The following VPS13C variants were observed in gnomAD, a reference collection of about 807,000 sequenced individuals.
The protein encoded by VPS13C is intermembrane lipid transfer protein VPS13C.
Under a neutral mutation model 456.8 loss-of-function variants are expected in VPS13C, and 358 were observed. The observed-to-expected ratio is 0.78, with a 90% CI of 0.72 to 0.86. The LOEUF (loss-of-function observed/expected upper bound fraction) is 0.86, where lower values mean the gene tolerates loss of function less well. Among genes scored for constraint, VPS13C ranks in the 40% least tolerant of loss-of-function variants. VPS13C has a pLI of 0.00. For synonymous variants in VPS13C, 1,578 were observed against 1,486.7 expected, an observed-to-expected ratio of 1.06 and a Z score of -1.41; for missense variants, 4,818 against 4,385.4, an observed-to-expected ratio of 1.10 and a Z score of -2.79.
chr15:61,949,853 A>C (rs376127285), intron 41 of VPS13C, among the ~76,000 whole-genome samples: 120 of 152,332 alleles, frequency 7.9e-4, no homozygotes, highest in African/African-American at 2.9e-3. Context: ...TTTTAAGTAA[A>C]GATACAGGAA....
At position 61,939,402 on chromosome 15, in the gene VPS13C, TACA is replaced by T. The variant is rs377655554; in HGVS notation, c.5601+1242_5601+1244del. Among the ~76,000 whole-genome samples, 480 of 152,356 alleles carry T rather than the reference TACA, an allele frequency of 3.2e-3. 3 individuals carry two copies. The highest frequency in any genetic ancestry group is 0.011 in the African/African-American group (465 of 41,588). On this transcript the variant is annotated intron_variant, in intron 47 of 84. Transcript: ENST00000644861. ...TATATGAACAGAAACCCTTCATTTC[TACA>T]ACAAGCTTCAATTTTAACTTCTTCC...
intron 36 of VPS13C, 95 bp downstream of exon 36, chr15:61,959,353 C>A: frequency 9.0e-7 from 1 of 1,115,822 alleles, no homozygotes. Context: ...TTATACTATT[C>A]AGCAAAAGAG....
intron 16 of VPS13C, among the ~76,000 whole-genome samples, chr15:61,996,588 T>C (rs1297329312): frequency 1.3e-5 from 2 of 152,026 alleles, no homozygotes; most frequent in East Asian, 1.9e-4. Flanking sequence ...GCACTGAAAC[T>C]ATAGTACATG....
At position 61,972,275 on chromosome 15, in the gene VPS13C, T is replaced by C. The variant is rs143141016; in HGVS notation, c.2757+350A>G. On this transcript the variant is annotated intron_variant, in intron 27 of 84. Transcript: ENST00000644861. The stretch of plus-strand genomic sequence containing the variant: ...AAATCATAAACATGATAATGAGCAA[T>C]ATTATTTAGCTTAAAAGTGAAAAGT... Among the ~76,000 whole-genome samples, 152 of 152,318 alleles carry C rather than the reference T, an allele frequency of 1.0e-3. 2 individuals carry two copies. In the East Asian group the frequency reaches 0.026, roughly 26 times the overall value.
intron 60 of VPS13C, among the ~76,000 whole-genome samples, chr15:61,916,914 T>A (rs773152087): frequency 6.6e-6 from 1 of 152,194 alleles, no homozygotes; most frequent in African/African-American, 2.4e-5. Flanking sequence ...AATGGAATTT[T>A]ACTTAATTAA....
intron 13 of VPS13C, among the ~76,000 whole-genome samples, chr15:62,009,624 TAAC>T (rs1270918403): frequency 6.6e-6 from 1 of 152,234 alleles, no homozygotes; most frequent in Non-Finnish European, 1.5e-5. Flanking sequence ...TTTACATTGT[TAAC>T]ACAGCTACTA....
chr15:61,878,190 A>G (rs1895595327), intron 74 of VPS13C, among the ~76,000 whole-genome samples: 1 of 151,006 alleles, frequency 6.6e-6, no homozygotes, highest in South Asian at 2.1e-4. Context: ...AAAATGATCT[A>G]CAGGGAATTT....
chr15:61,998,833 T>C (rs2046487362), intron 16 of VPS13C, among the ~76,000 whole-genome samples: 1 of 152,160 alleles, frequency 6.6e-6, no homozygotes, highest in Non-Finnish European at 1.5e-5. Context: ...AATCCTCCTC[T>C]TTCTCCTCCC....
chr15:61,879,646 T>A (rs1463886901), intron 73 of VPS13C, among the ~76,000 whole-genome samples: 1 of 152,086 alleles, frequency 6.6e-6, no homozygotes, highest in Non-Finnish European at 1.5e-5. Context: ...AATATCCCCC[T>A]AGAATATAAT....
chr15:61,952,013 T>C lies in VPS13C; in HGVS notation c.4300-33A>G, dbSNP rs769981749. The C allele has an allele frequency of 4.4e-6, 7 of 1,600,752 alleles. No individual in the cohort carries two copies. The African/African-American group carries it at 5.4e-5, about 12-fold the overall frequency. ...ACGGTACCAGTATTACCACCAACTA[T>C]TTCACCAATATGCAATGAAGGTAAG... is the stretch of plus-strand genomic sequence containing the variant. On this transcript the variant is annotated intron_variant, in intron 38 of 84. Transcript: ENST00000644861.
chr15:62,014,423 T>A (rs2047155495), intron 9 of VPS13C, among the ~76,000 whole-genome samples: 1 of 152,072 alleles, frequency 6.6e-6, no homozygotes, highest in Admixed American at 6.6e-5. Context: ...CACCAAACAC[T>A]AAACTTATTT....
intron 66 of VPS13C, among the ~76,000 whole-genome samples, chr15:61,894,700 T>C (rs2042753697): frequency 6.6e-6 from 1 of 152,106 alleles, no homozygotes; most frequent in Non-Finnish European, 1.5e-5. Flanking sequence ...CAGTTGTAAA[T>C]ATATGTACCC....
intron 3 of VPS13C, among the ~76,000 whole-genome samples, chr15:62,037,251 A>ATT (rs66808118): frequency 3.1e-5 from 1 of 32,458 alleles, no homozygotes; most frequent in Non-Finnish European, 6.7e-5. Flanking sequence ...TATATAATAT[A>ATT]TTTATATATA....
chr15:61,981,897 G>A, intron 21 of VPS13C, among the ~76,000 whole-genome samples: 2 of 151,804 alleles, frequency 1.3e-5, no homozygotes, highest in South Asian at 4.2e-4. Flanking sequence ...AAAAAAAAAA[G>A]AAAAGTATTA....
intron 35 of VPS13C, among the ~76,000 whole-genome samples, chr15:61,961,231 A>G (rs1043668305): frequency 6.6e-6 from 1 of 151,636 alleles, no homozygotes; most frequent in African/African-American, 2.4e-5. Context: ...TCTATTAAAA[A>G]TACAAAAAAA....
Position 61,854,452 on chromosome 15 carries a change from T to A in VPS13C, c.*5A>T. On this transcript the variant is annotated 3_prime_UTR_variant, in exon 85 of 85. Transcript: ENST00000644861. The stretch of plus-strand genomic sequence containing the variant: ...TCTCCCTGTTGGAGCCCCTGAGGTC[T>A]GTGATTAAGATGGCAATTGGGGTCT... 1.2e-5 allele frequency: 20 copies of A among 1,613,738 alleles called. No individual in the cohort carries two copies. The highest frequency in any genetic ancestry group is 1.7e-5 in the Non-Finnish European group (20 of 1,179,600).
chr15:62,035,531 C>A (rs1195013070), intron 3 of VPS13C, among the ~76,000 whole-genome samples: 1 of 151,866 alleles, frequency 6.6e-6, no homozygotes, highest in Non-Finnish European at 1.5e-5. Flanking sequence ...TATAGATCAA[C>A]AGTAAAATAA....
intron 9 of VPS13C, among the ~76,000 whole-genome samples, chr15:62,018,965 G>T (rs1049996120): frequency 2.6e-5 from 4 of 152,078 alleles, no homozygotes; most frequent in Non-Finnish European, 4.4e-5. Flanking sequence ...CAATTTCAGA[G>T]CCTGTTATTG....
At chr15:61,974,192 G>T in intron 25 of VPS13C, 96 bp downstream of exon 25, 1 of 1,206,432 alleles carries the variant, frequency 8.3e-7, no homozygotes, top group South Asian at 2.5e-5. Context: ...CTGTACTTTT[G>T]GTCCTTTCAC....
Sources: gnomAD v4.1 joint callset for allele counts (sites outside exome capture counted in the v4.1 genomes callset) on GRCh38, gnomAD v4.1.1 for gene constraint, MANE v1.5 for transcripts, NCBI Gene and HGNC (gene_info 2026-07-23, HGNC 2026-07-21) for gene names.